Variants in BICD1 observed in about 807,000 individuals in gnomAD.
BICD1 encodes protein bicaudal D homolog 1.
In BICD1, 35 loss-of-function variants were observed where a neutral mutation model predicts 92.5. The observed-to-expected ratio is 0.38, with a 90% CI of 0.29 to 0.50. The LOEUF (loss-of-function observed/expected upper bound fraction) is 0.50, where lower values mean the gene tolerates loss of function less well. BICD1 is among the 20% of genes least tolerant of loss of function. The pLI is 0.93. For synonymous variants in BICD1, 429 were observed against 465.1 expected, an observed-to-expected ratio of 0.92 and a Z score of 1.00; for missense variants, 950 against 1,189.8, an observed-to-expected ratio of 0.80 and a Z score of 2.97.
Position 32,111,449 on chromosome 12 carries a change from T to C in BICD1, c.213+3905T>C, listed in dbSNP as rs546914333. Among the ~76,000 whole-genome samples the C allele has an allele frequency of 2.4e-4, 37 of 152,340 alleles. 1 individual carries two copies. Among genetic ancestry groups the C allele is most frequent in the African/African-American group, 8.7e-4 (36 of 41,586 alleles). ...TCAGATGCTTAGAAAGATTGTTAGT[T>C]TCTTTTATATCTTTAAGTTCTAAAT... On this transcript the variant is annotated intron_variant, in intron 1 of 9. Coordinates refer to ENST00000652176, the MANE Select transcript of BICD1 (RefSeq NM_001714.4).
intron 1 of BICD1, among the ~76,000 whole-genome samples, chr12:32,194,293 A>G (rs1944660941): frequency 6.6e-6 from 1 of 152,242 alleles, no homozygotes. Context: ...ACCAAGAACA[A>G]GAGAAGGATG....
intron 1 of BICD1, among the ~76,000 whole-genome samples, chr12:32,202,761 C>T (rs1171625825): frequency 6.6e-6 from 1 of 152,066 alleles, no homozygotes; most frequent in Admixed American, 6.6e-5. Context: ...CAGGTGTGCA[C>T]CACCATGCCT....
intron 5 of BICD1, among the ~76,000 whole-genome samples, chr12:32,331,189 T>G (rs1366417042): frequency 6.6e-6 from 1 of 152,060 alleles, no homozygotes; most frequent in Non-Finnish European, 1.5e-5. Context: ...ATAAGGACAC[T>G]TGGCCAACCA....
intron 1 of BICD1, among the ~76,000 whole-genome samples, chr12:32,159,203 A>G (rs762185054): frequency 2.0e-5 from 3 of 151,984 alleles, no homozygotes; most frequent in Non-Finnish European, 4.4e-5. Context: ...CAAAGTGCTG[A>G]TTTACAGGCG....
chr12:32,159,246 A>C (rs1343993792), intron 1 of BICD1, among the ~76,000 whole-genome samples: 1 of 152,026 alleles, frequency 6.6e-6, no homozygotes, highest in Non-Finnish European at 1.5e-5. Flanking sequence ...CAAACGTTTG[A>C]TTTATCGGTT....
intron 8 of BICD1, among the ~76,000 whole-genome samples, chr12:32,361,590 G>C (rs1347921373): frequency 6.6e-6 from 1 of 151,594 alleles, no homozygotes; most frequent in Non-Finnish European, 1.5e-5. Flanking sequence ...AAGAAAAAAA[G>C]GAAGAACTTG....
intron 2 of BICD1, among the ~76,000 whole-genome samples, chr12:32,236,872 C>CTTTTTTTTTTTTT (rs57318640): frequency 1.1e-5 from 1 of 89,320 alleles, no homozygotes. Flanking sequence ...AAGTCTAATT[C>CTTTTTTTTTTTTT]TTTTTTTTTT....
rs773727829 is a variant in BICD1, at chr12:32,337,663, G to A, written c.2417G>A (p.Arg806His). 2.5e-6 allele frequency: 4 copies of A among 1,614,140 alleles called. No homozygotes were observed. Among genetic ancestry groups the A allele is most frequent in the South Asian group, 1.1e-5 (1 of 91,086 alleles). ...GAGTTTGACCATGAGCAGTCCCGACGCAGCAAAGGCAAACTTGGAAAGAGC... is the reference window on the plus strand; with the variant it reads ...GAGTTTGACCATGAGCAGTCCCGACACAGCAAAGGCAAACTTGGAAAGAGC... Reference protein sequence around the residue: ...DLEFDHEQSRRSKGKLGKSKI... With the variant: ...DLEFDHEQSRHSKGKLGKSKI... The change falls in exon 7 of 10, where the codon CGC becomes CAC. Residue 806 changes from arginine to histidine, a missense_variant. Arg to His is a conservative substitution (Grantham distance 29, BLOSUM62 0). This residue lies in a region of BICD1 where 309 missense variants were observed against 499.4 expected (regional missense o/e 0.62). Transcript: ENST00000652176. The surrounding 1 kb of genome is among the most constrained non-coding windows in gnomAD (Gnocchi z 4.7).
At chr12:32,268,273 G>GATGC (rs1293952249) in intron 2 of BICD1, among the ~76,000 whole-genome samples, 4 of 152,236 alleles carry the variant, frequency 2.6e-5, no homozygotes, top group East Asian at 3.9e-4. Context: ...GAAGAGAAGG[G>GATGC]ATGCGCCAGG....
At chr12:32,368,532 T>C (rs554885997) in intron 9 of BICD1, among the ~76,000 whole-genome samples, 54 of 151,774 alleles carry the variant, frequency 3.6e-4, no homozygotes, top group Middle Eastern at 3.4e-3. Context: ...CCGTCTCTAC[T>C]AAAAATACAA....
At chr12:32,232,558 A>C (rs1473532825) in intron 2 of BICD1, among the ~76,000 whole-genome samples, 26 of 148,918 alleles carry the variant, frequency 1.7e-4, no homozygotes, top group Non-Finnish European at 1.0e-4. Flanking sequence ...CTCTGATGGT[A>C]GTTTCTTTTG....
intron 1 of BICD1, among the ~76,000 whole-genome samples, chr12:32,111,484 A>G (rs1293840991): frequency 6.6e-6 from 1 of 152,250 alleles, no homozygotes; most frequent in African/African-American, 2.4e-5. Context: ...TCACAAAATC[A>G]TATGGCAAGA....
Position 32,328,424 on chromosome 12 carries a change from C to T in BICD1, c.1969C>T (p.Arg657Trp), listed in dbSNP as rs750220029. 4 of 1,614,138 alleles carry T rather than the reference C, an allele frequency of 2.5e-6. No individual in the cohort carries two copies. Among genetic ancestry groups the T allele is most frequent in the East Asian group, 2.2e-5 (1 of 44,874 alleles). ...LQLSRQRAAA[R>W]ELAPMIDKDK... Reference sequence around the variant, plus strand: ...ACTGTCTCGTCAAAGAGCAGCGGCTCGGGAGCTAGCCCCCATGATTGATAA... The same window carrying T: ...ACTGTCTCGTCAAAGAGCAGCGGCTTGGGAGCTAGCCCCCATGATTGATAA... The change falls in exon 5 of 10, where the codon CGG (arginine) becomes TGG (tryptophan). Residue 657 changes from arginine to tryptophan, a missense_variant. By Grantham distance (101) the Arg-to-Trp change is moderately radical. Transcript: ENST00000652176. The surrounding 1 kb of genome is among the most constrained non-coding windows in gnomAD (Gnocchi z 4.4).
At position 32,117,758 on chromosome 12, in the gene BICD1, ATTT is replaced by A. The variant is rs1180018434; in HGVS notation, c.213+10221_213+10223del. On this transcript the variant is annotated intron_variant, in intron 1 of 9. Transcript: ENST00000652176. ...CACATATATATATATATATATATATATTTTTTTTTAAGACCATATTTCGCTCTC... is the reference window on the plus strand; with the variant it reads ...CACATATATATATATATATATATATATTTTTTAAGACCATATTTCGCTCTC... Among the ~76,000 whole-genome samples the A allele has an allele frequency of 5.4e-3, 579 of 107,798 alleles. 6 individuals are homozygous for A. The highest frequency in any genetic ancestry group is 0.016 in the African/African-American group (510 of 31,040). 70.7% of individuals were successfully genotyped at this position (107,798 alleles called of 152,430 possible).
intron 8 of BICD1, among the ~76,000 whole-genome samples, chr12:32,342,471 G>T (rs1413398009): frequency 6.6e-6 from 1 of 151,618 alleles, no homozygotes; most frequent in Non-Finnish European, 1.5e-5. Context: ...AGCCAGGATG[G>T]TCTCAATCTC....
chr12:32,192,054 G>A (rs1944584279), intron 1 of BICD1, among the ~76,000 whole-genome samples: 2 of 152,254 alleles, frequency 1.3e-5, no homozygotes, highest in Middle Eastern at 3.4e-3. Context: ...AGCCCAGATA[G>A]GCCTATTGTG....
chr12:32,215,889 G>A (rs1173721297), intron 1 of BICD1, among the ~76,000 whole-genome samples: 1 of 143,904 alleles, frequency 6.9e-6, no homozygotes, highest in Admixed American at 7.5e-5. Context: ...GGGAGGCGGA[G>A]CTTGCAGTGA....
At chr12:32,147,871 GC>G (rs1338378720) in intron 1 of BICD1, among the ~76,000 whole-genome samples, 12 of 152,102 alleles carry the variant, frequency 7.9e-5, no homozygotes, top group South Asian at 2.1e-4. Flanking sequence ...AAGTGCTGTG[GC>G]ACACGCCTAA....
Position 32,334,673 on chromosome 12 carries a change from A to C in BICD1, c.2252+6A>C. The C allele has an allele frequency of 1.2e-6, 2 of 1,606,676 alleles. No individual in the cohort carries two copies. The highest frequency in any genetic ancestry group is 1.7e-6 in the Non-Finnish European group (2 of 1,177,440). On this transcript the variant is annotated splice_donor_region_variant and intron_variant, in intron 6 of 9. Transcript: ENST00000652176. Reference sequence around the variant, plus strand: ...AGAGCAATGTTTGCAACAAGGTAACAGTATTTTCTTCCTATGACTGGGTGT... The same window carrying C: ...AGAGCAATGTTTGCAACAAGGTAACCGTATTTTCTTCCTATGACTGGGTGT...
Sources: allele counts gnomAD v4.1 joint callset (sites outside exome capture counted in the v4.1 genomes callset), GRCh38; gene constraint gnomAD v4.1.1; regional missense constraint gnomAD v4.1.1; non-coding constraint Gnocchi (gnomAD v3.1); transcripts MANE v1.5; gene names NCBI Gene and HGNC (gene_info 2026-07-23, HGNC 2026-07-21).